RTL9: variants seen among roughly 807,000 people sequenced by gnomAD.
RTL9 encodes the protein retrotransposon Gag like 9.
Under a neutral mutation model 44.7 loss-of-function variants are expected in RTL9, and 19 were observed. The observed-to-expected ratio is 0.42, with a 90% CI of 0.30 to 0.62. The LOEUF (loss-of-function observed/expected upper bound fraction) is 0.62, where lower values mean the gene tolerates loss of function less well. Among genes scored for constraint, RTL9 ranks in the 20% least tolerant of loss-of-function variants. The pLI is 0.16. For synonymous variants in RTL9, 407 were observed against 398.9 expected (o/e 1.02, Z -0.24); for missense variants, 1,105 against 1,080.6 (o/e 1.02, Z -0.32).
At chrX:110,419,566 T>C (rs1216507883) in intron 1 of RTL9, among the ~76,000 whole-genome samples, 1 of 112,801 alleles carries the variant, frequency 8.9e-6, no homozygotes, top group East Asian at 2.8e-4. Flanking sequence ...AGGGACCTTG[T>C]CTGTGTCACT....
upstream of RTL9, among the ~76,000 whole-genome samples, chrX:110,448,192 G>A (rs1294841369): frequency 1.8e-5 from 2 of 110,335 alleles, no homozygotes; most frequent in Non-Finnish European, 3.8e-5. Context: ...GCTCTATTAA[G>A]GTGTTTGCTT....
intron 1 of RTL9, among the ~76,000 whole-genome samples, chrX:110,423,835 T>A (rs2068736185): frequency 8.9e-6 from 1 of 112,353 alleles, no homozygotes; most frequent in African/African-American, 3.2e-5. Flanking sequence ...ACGTTAGGTG[T>A]TGCATGGTAA....
At chrX:110,451,828 G>C (rs1474005939) in exon 1 of RTL9, 1 of 1,210,315 alleles carries the variant, frequency 8.3e-7, no homozygotes, top group Admixed American at 2.2e-5. Flanking sequence ...CCACCAGTAA[G>C]AGCTTTAGAT....
chrX:110,420,898 G>A (rs1178779812), intron 1 of RTL9, among the ~76,000 whole-genome samples: 1 of 111,437 alleles, frequency 9.0e-6, no homozygotes, highest in African/African-American at 3.3e-5. Flanking sequence ...ACTGTGCCCC[G>A]TCCATCACAC....
At chrX:110,444,397 G>T (rs137984409) in intron 1 of RTL9, among the ~76,000 whole-genome samples, 1 of 112,731 alleles carries the variant, frequency 8.9e-6, no homozygotes, top group Non-Finnish European at 1.9e-5. Flanking sequence ...TACCTTAACT[G>T]TGAGTGATTC....
intron 1 of RTL9, among the ~76,000 whole-genome samples, chrX:110,388,491 G>A (rs1392337335): frequency 1.8e-5 from 2 of 111,816 alleles, no homozygotes; most frequent in Non-Finnish European, 3.8e-5. Context: ...TAGGCACATG[G>A]CGCTAGGATG....
At chrX:110,379,284 G>A (rs988747360) in intron 1 of RTL9, among the ~76,000 whole-genome samples, 4 of 111,868 alleles carry the variant, frequency 3.6e-5, no homozygotes, top group African/African-American at 1.3e-4. Context: ...TCTGATATTA[G>A]TTCTTTCTCC....
chrX:110,369,053 C>T (rs76045560), intron 1 of RTL9, among the ~76,000 whole-genome samples: 6,715 of 112,159 alleles, frequency 0.06, 474 homozygotes, highest in African/African-American at 0.21. Context: ...ATCTTTGTGG[C>T]TGTGTGCGGT....
upstream of RTL9, among the ~76,000 whole-genome samples, chrX:110,446,630 G>A (rs2068909812): frequency 9.0e-6 from 1 of 111,711 alleles, no homozygotes; most frequent in African/African-American, 3.3e-5. Flanking sequence ...TCATTCAACT[G>A]TGGTCACTGT....
intron 1 of RTL9, among the ~76,000 whole-genome samples, chrX:110,423,452 G>A (rs942318513): frequency 8.9e-6 from 1 of 112,225 alleles, no homozygotes; most frequent in Admixed American, 9.4e-5. Context: ...TTCTCTGCTA[G>A]GGTTAATTGC....
rs967412248 is a variant in RTL9 at position 110,384,450 on chromosome X, C to T, written c.-168+25534C>T. Among the ~76,000 whole-genome samples the T allele has an allele frequency of 2.7e-5, 3 of 111,664 alleles. No homozygotes were observed. The Admixed American group carries it at 2.9e-4, about 11-fold the overall frequency. The stretch of plus-strand genomic sequence containing the variant: ...ATTTTAAGAATTAAATAACTTAGTA[C>T]ATGTAAAACCTAGCACATAATAACA... On this transcript the variant is annotated intron_variant, in intron 1 of 2. Transcript: ENST00000520821.
At chrX:110,436,215 C>T (rs1252110971) in intron 1 of RTL9, among the ~76,000 whole-genome samples, 1 of 111,818 alleles carries the variant, frequency 8.9e-6, no homozygotes, top group Non-Finnish European at 1.9e-5. Context: ...TGGGTCAGGA[C>T]TTCGAAGGCA....
chrX:110,421,578 T>C (rs1339732752), intron 1 of RTL9, among the ~76,000 whole-genome samples: 3 of 112,802 alleles, frequency 2.7e-5, no homozygotes, highest in African/African-American at 9.7e-5. Context: ...CGACAGGTAT[T>C]ACTGATGGTA....
intron 1 of RTL9, among the ~76,000 whole-genome samples, chrX:110,441,160 C>T (rs2068877218): frequency 8.9e-6 from 1 of 112,262 alleles, no homozygotes; most frequent in Non-Finnish European, 1.9e-5. Context: ...CTTCTCTTCT[C>T]TGGACCTCAG....
At chrX:110,396,651 C>T (rs1045696957) in intron 1 of RTL9, among the ~76,000 whole-genome samples, 1 of 112,148 alleles carries the variant, frequency 8.9e-6, no homozygotes, top group Non-Finnish European at 1.9e-5. Context: ...AGATTCCCCT[C>T]TCCCTGTTTT....
intron 1 of RTL9, among the ~76,000 whole-genome samples, chrX:110,427,888 C>G: frequency 8.9e-6 from 1 of 111,782 alleles, no homozygotes; most frequent in East Asian, 2.8e-4. Context: ...CTGTGCCCAT[C>G]CCTTCCTCCC....
chrX:110,379,222 C>A (rs2068401439), intron 1 of RTL9, among the ~76,000 whole-genome samples: 1 of 112,221 alleles, frequency 8.9e-6, no homozygotes, highest in Non-Finnish European at 1.9e-5. Context: ...CAAGGAGAGT[C>A]TTTACTTGGC....
At chrX:110,440,188 G>T (rs975227394) in intron 1 of RTL9, 11 of 110,783 alleles carry the variant, frequency 9.9e-5, no homozygotes, top group African/African-American at 3.6e-4. Flanking sequence ...ATGGGATTAG[G>T]TTGGCAGGAG....
intron 1 of RTL9, among the ~76,000 whole-genome samples, chrX:110,437,966 C>G (rs1192960016): frequency 9.0e-6 from 1 of 111,438 alleles, no homozygotes; most frequent in Non-Finnish European, 1.9e-5. Context: ...CTTCTTGTAC[C>G]CCAGTTACAT....
Sources: allele counts gnomAD v4.1 joint callset (sites outside exome capture counted in the v4.1 genomes callset), GRCh38; gene constraint gnomAD v4.1.1; transcripts MANE v1.5; gene names NCBI Gene and HGNC (gene_info 2026-07-23, HGNC 2026-07-21).